The following DRC8 variants were observed in gnomAD, a reference collection of about 807,000 sequenced individuals.
DRC8 encodes the protein dynein regulatory complex subunit 8, also known as dynein regulatory complex protein 8.
At chr1:245,072,724 C>T in the DRC8 span, among the ~76,000 whole-genome samples, 5 of 152,284 alleles carry the variant, frequency 3.3e-5, no homozygotes, top group East Asian at 5.8e-4. Flanking sequence ...TGGTGGGAGG[C>T]GTTTGAATCA....
At chr1:244,976,715 A>G in the DRC8 span, among the ~76,000 whole-genome samples, 1 of 152,196 alleles carries the variant, frequency 6.6e-6, no homozygotes, top group East Asian at 1.9e-4. Flanking sequence ...TGCAGCTACT[A>G]TGGAAAGTGG....
chr1:245,105,606 G>C, the DRC8 span, among the ~76,000 whole-genome samples: 1 of 124,462 alleles, frequency 8.0e-6, no homozygotes, highest in Non-Finnish European at 1.6e-5. Flanking sequence ...CTGGGCCACA[G>C]AGCAAGACCC....
chr1:244,994,263 A>T, the DRC8 span, among the ~76,000 whole-genome samples: 1 of 152,052 alleles, frequency 6.6e-6, no homozygotes, highest in Non-Finnish European at 1.5e-5. Context: ...TGTCATTTTT[A>T]GTTCAGGCTT....
chr1:245,082,344 A>G, the DRC8 span, among the ~76,000 whole-genome samples: 1 of 152,246 alleles, frequency 6.6e-6, no homozygotes, highest in South Asian at 2.1e-4. Context: ...AGAAATATCA[A>G]CCACACTAGT....
At chr1:245,088,380 A>G in the DRC8 span, among the ~76,000 whole-genome samples, 1 of 149,184 alleles carries the variant, frequency 6.7e-6, no homozygotes, top group East Asian at 1.9e-4. The surrounding 1 kb of genome is among the most constrained non-coding windows in gnomAD (Gnocchi z 4.6). Context: ...CTTCACCACT[A>G]TATGTGTGTA....
chr1:245,075,189 T>C, the DRC8 span, among the ~76,000 whole-genome samples: 3 of 152,180 alleles, frequency 2.0e-5, no homozygotes, highest in African/African-American at 7.2e-5. Context: ...GATGGCCTGA[T>C]GATTTCTCGA....
At chr1:245,048,077 TGAG>T in the DRC8 span, among the ~76,000 whole-genome samples, 9 of 150,698 alleles carry the variant, frequency 6.0e-5, no homozygotes, top group Admixed American at 1.3e-4. Flanking sequence ...TGGAGGAGGC[TGAG>T]GAGGAGGAGG....
chr1:244,990,304 T>G, the DRC8 span, among the ~76,000 whole-genome samples: 1 of 152,264 alleles, frequency 6.6e-6, no homozygotes, highest in Admixed American at 6.5e-5. Flanking sequence ...TTATGATTAT[T>G]CTATTTTATT....
the DRC8 span, among the ~76,000 whole-genome samples, chr1:245,078,428 G>C: frequency 1.6e-5 from 2 of 125,526 alleles, no homozygotes; most frequent in African/African-American, 5.9e-5. Context: ...TGGAAACAAC[G>C]TGTCTATAAA....
chr1:245,106,131 T>G, the DRC8 span, among the ~76,000 whole-genome samples: 1 of 152,330 alleles, frequency 6.6e-6, no homozygotes, highest in South Asian at 2.1e-4. Flanking sequence ...GCCTTAAAAT[T>G]GCCTGTATCC....
the DRC8 span, among the ~76,000 whole-genome samples, chr1:244,983,739 C>CAAA: frequency 0.091 from 9,178 of 100,478 alleles, 696 homozygotes; most frequent in East Asian, 0.23. Context: ...GACTCTGTCT[C>CAAA]AAAAAAAAAA....
chr1:245,071,777 G>C, the DRC8 span, among the ~76,000 whole-genome samples: 1 of 152,136 alleles, frequency 6.6e-6, no homozygotes, highest in African/African-American at 2.4e-5. Flanking sequence ...TTAGTCACAC[G>C]GTTGTTTGTA....
the DRC8 span, among the ~76,000 whole-genome samples, chr1:245,010,602 G>A: frequency 6.6e-6 from 1 of 152,140 alleles, no homozygotes; most frequent in East Asian, 1.9e-4. Context: ...CACACTGAGA[G>A]ATGAGAGATA....
At chr1:245,027,686 A>C in the DRC8 span, among the ~76,000 whole-genome samples, 1 of 152,120 alleles carries the variant, frequency 6.6e-6, no homozygotes, top group Non-Finnish European at 1.5e-5. Context: ...CCCAACCCCC[A>C]ATTTATCTTA....
At chr1:245,022,835 C>T in the DRC8 span, among the ~76,000 whole-genome samples, 4 of 152,218 alleles carry the variant, frequency 2.6e-5, no homozygotes, top group South Asian at 4.1e-4. Flanking sequence ...CAACCATCAC[C>T]GCTATCCATT....
chr1:245,097,958 G>A, the DRC8 span, among the ~76,000 whole-genome samples: 1 of 152,202 alleles, frequency 6.6e-6, no homozygotes, highest in Non-Finnish European at 1.5e-5. The surrounding 1 kb of genome is among the most constrained non-coding windows in gnomAD (Gnocchi z 5.0). Flanking sequence ...TGTGGGCCAG[G>A]AAAGGATTTG....
chr1:245,012,830 GTA>G, the DRC8 span, among the ~76,000 whole-genome samples: 1 of 152,160 alleles, frequency 6.6e-6, no homozygotes, highest in Non-Finnish European at 1.5e-5. Context: ...TTTCTAAATT[GTA>G]TATGGATTTC....
chr1:245,027,580 TA>T, the DRC8 span, among the ~76,000 whole-genome samples: 1 of 152,206 alleles, frequency 6.6e-6, no homozygotes, highest in African/African-American at 2.4e-5. Context: ...TGTGTTTTTT[TA>T]AACTATCTAT....
At chr1:244,972,879 T>G in the DRC8 span, among the ~76,000 whole-genome samples, 26 of 152,282 alleles carry the variant, frequency 1.7e-4, no homozygotes, top group African/African-American at 5.8e-4. Context: ...TGTATCTCAT[T>G]TATTGTTAAC....
Sources: gnomAD v4.1 joint callset for allele counts (sites outside exome capture counted in the v4.1 genomes callset) on GRCh38, gnomAD v4.1.1 for gene constraint, Gnocchi (gnomAD v3.1) non-coding constraint, MANE v1.5 for transcripts, NCBI Gene and HGNC (gene_info 2026-07-23, HGNC 2026-07-21) for gene names.